MYO1D: variants seen among roughly 807,000 people sequenced by gnomAD.
MYO1D encodes the protein unconventional myosin-Id.
A neutral mutation model predicts 122.0 loss-of-function variants in MYO1D; 83 were observed. That is an observed-to-expected ratio of 0.68 (90% confidence interval 0.57 to 0.82). The LOEUF (loss-of-function observed/expected upper bound fraction) is 0.82, where lower values mean the gene tolerates loss of function less well. Among genes scored for constraint, MYO1D ranks in the 40% least tolerant of loss-of-function variants. MYO1D has a pLI of 0.00. For synonymous variants in MYO1D, 464 were observed against 446.9 expected (o/e 1.04, Z -0.48); for missense variants, 1,157 against 1,269.5 (o/e 0.91, Z 1.35).
Position 32,738,395 on chromosome 17 carries a change from AC to A in MYO1D, c.1614-11del. On this transcript the variant is annotated splice_polypyrimidine_tract_variant and intron_variant, in intron 13 of 21. Transcript: ENST00000318217. The stretch of plus-strand genomic sequence containing the variant: ...GAGCACAGGATTTGAACTGAGAAGC[AC>A]AGAAAAAACAATTCAAATGTCACAT... 1 of 1,555,218 alleles carries A rather than the reference AC, an allele frequency of 6.4e-7. No individual in the cohort carries two copies. Among genetic ancestry groups the A allele is most frequent in the Non-Finnish European group, 8.7e-7 (1 of 1,150,576 alleles).
rs780845110 is a variant in MYO1D at position 32,876,808 on chromosome 17, A to G, written c.65T>C (p.Met22Thr). Residue 22 changes from methionine to threonine, a missense_variant, in exon 1 of 22, where the codon ATG becomes ACG. Met to Thr is a moderately conservative substitution (Grantham distance 81, BLOSUM62 -1). Coordinates refer to ENST00000318217, the MANE Select transcript of MYO1D (RefSeq NM_015194.3). ...ADFVLMDTVS[M>T]PEFMANLRLR... ...CCTGAGGTTGGCCATGAACTCGGGC[A>G]TGGAGACGGTGTCCATCAGCACGAA... 17 of 1,525,290 alleles carry G rather than the reference A, an allele frequency of 1.1e-5. No homozygotes were observed. In the South Asian group the frequency reaches 1.6e-4, roughly 14 times the overall value. 94.5% of individuals were successfully genotyped at this position (1,525,290 alleles called of 1,614,324 possible). A position where few individuals can be genotyped will look rare whatever the true frequency, so the allele number is the denominator to read the frequency against.
chr17:32,643,956 A>G (rs551589539), intron 19 of MYO1D, among the ~76,000 whole-genome samples: 5 of 152,124 alleles, frequency 3.3e-5, no homozygotes, highest in South Asian at 2.1e-4. Context: ...GCCTTCTGCT[A>G]GCTTTTGAAT....
At chr17:32,612,929 C>T (rs1282668047) in intron 20 of MYO1D, among the ~76,000 whole-genome samples, 4 of 151,662 alleles carry the variant, frequency 2.6e-5, no homozygotes, top group Non-Finnish European at 5.9e-5. Context: ...TCACCACACC[C>T]GGCTAGTTTT....
chr17:32,606,279 GAAGA>G (rs2087626953), intron 20 of MYO1D, among the ~76,000 whole-genome samples: 1 of 152,136 alleles, frequency 6.6e-6, no homozygotes, highest in African/African-American at 2.4e-5. Flanking sequence ...AACATTTAAA[GAAGA>G]AATAACACCA....
chr17:32,633,527 G>T (rs1243082211), intron 20 of MYO1D, among the ~76,000 whole-genome samples: 2 of 151,824 alleles, frequency 1.3e-5, no homozygotes, highest in Non-Finnish European at 2.9e-5. Flanking sequence ...TAGATAGCTT[G>T]CTTTCTTCTT....
chr17:32,767,684 A>T lies in MYO1D; in HGVS notation c.783T>A (p.Pro261=). ...TCTTATACACTGTTTGGATCTCCTC[A>T]GGTTTGAAGCCAATGACTTTCATGG... The part of the protein sequence containing the change: ...ADAMKVIGFK[P]EEIQTVYKIL... The change falls in exon 7 of 22, where the codon CCT becomes CCA. Residue 261 remains proline, a synonymous_variant. Transcript: ENST00000318217. 1 of 1,613,962 alleles carries T rather than the reference A, an allele frequency of 6.2e-7. No homozygotes were observed. The highest frequency in any genetic ancestry group is 1.1e-5 in the South Asian group (1 of 91,074).
At chr17:32,574,207 A>C (rs1018117637) in intron 21 of MYO1D, among the ~76,000 whole-genome samples, 4 of 151,934 alleles carry the variant, frequency 2.6e-5, no homozygotes, top group Non-Finnish European at 5.9e-5. Context: ...GAATAGAATT[A>C]TAGGTGGACA....
At chr17:32,509,926 G>C (rs76804448) in intron 21 of MYO1D, 3 of 152,186 alleles carry the variant, frequency 2.0e-5, no homozygotes, top group Non-Finnish European at 4.4e-5. Flanking sequence ...TTGTAAAGGG[G>C]TCTTAGATTG....
At chr17:32,758,470 GTT>G (rs1237289371) in intron 10 of MYO1D, among the ~76,000 whole-genome samples, 3 of 152,056 alleles carry the variant, frequency 2.0e-5, no homozygotes, top group African/African-American at 7.2e-5. Context: ...TGTGATTATG[GTT>G]TTTGTAAAAC....
intron 16 of MYO1D, among the ~76,000 whole-genome samples, chr17:32,689,183 G>T (rs927693608): frequency 6.6e-6 from 1 of 151,844 alleles, no homozygotes. Flanking sequence ...GTTTATAATC[G>T]ATTTAAAGTA....
At position 32,624,852 on chromosome 17, in the gene MYO1D, G is replaced by A. The variant is rs376047075; in HGVS notation, c.2709+13870C>T. Among the ~76,000 whole-genome samples, 20 of 150,496 alleles carry A rather than the reference G, an allele frequency of 1.3e-4. No homozygotes were observed. The East Asian group carries it at 2.1e-3, about 16-fold the overall frequency. ...GTTGCCCAGGCTGGTATGCAATGGC[G>A]CGATCTTGGCTCACTGCAACCTCCG... On this transcript the variant is annotated intron_variant, in intron 20 of 21. Coordinates refer to ENST00000318217, the MANE Select transcript of MYO1D (RefSeq NM_015194.3).
Position 32,494,531 on chromosome 17 carries a change from G to A in MYO1D, c.*228C>T, listed in dbSNP as rs776486825. Reference sequence around the variant, plus strand: ...TCTGGACGTCAGCCCAGGGGTCTGGGCGGGGCACCAGGGTCTTTGGCTTAT... The same window carrying A: ...TCTGGACGTCAGCCCAGGGGTCTGGACGGGGCACCAGGGTCTTTGGCTTAT... On this transcript the variant is annotated 3_prime_UTR_variant, in exon 22 of 22. Transcript: ENST00000318217. 2 of 583,160 alleles carry A rather than the reference G, an allele frequency of 3.4e-6. No homozygotes were observed. The highest frequency in any genetic ancestry group is 5.9e-6 in the Non-Finnish European group (2 of 336,250). The allele number at this position is 583,160 out of a possible 1,614,324, so 36.1% of individuals were successfully genotyped here. A position where few individuals can be genotyped will look rare whatever the true frequency, so the allele number is the denominator to read the frequency against.
intron 21 of MYO1D, among the ~76,000 whole-genome samples, chr17:32,527,329 A>G (rs566247860): frequency 6.6e-6 from 1 of 152,192 alleles, no homozygotes. Flanking sequence ...GCAGCTAACC[A>G]CAGTAAGGAG....
At chr17:32,825,149 T>C (rs1178446431) in intron 1 of MYO1D, among the ~76,000 whole-genome samples, 3 of 152,232 alleles carry the variant, frequency 2.0e-5, no homozygotes, top group East Asian at 3.8e-4. Context: ...AAATAGTCGT[T>C]GAGCTTGTTT....
In MYO1D at chr17:32,533,206, T is replaced by C. The variant is rs756293683; in HGVS notation, c.2865-38291A>G. Among the ~76,000 whole-genome samples, 12 of 152,310 alleles carry C rather than the reference T, an allele frequency of 7.9e-5. No homozygotes were observed. In the South Asian group the frequency reaches 1.0e-3, roughly 13 times the overall value. Reference sequence around the variant, plus strand: ...CATATGCTGATAACTCCCAAATCTATACCTCTAGCCCATTTTAATTCCAAA... The same window carrying C: ...CATATGCTGATAACTCCCAAATCTACACCTCTAGCCCATTTTAATTCCAAA... On this transcript the variant is annotated intron_variant, in intron 21 of 21. Transcript: ENST00000318217.
intron 1 of MYO1D, among the ~76,000 whole-genome samples, chr17:32,808,199 C>A (rs576152324): frequency 6.6e-6 from 1 of 151,930 alleles, no homozygotes; most frequent in African/African-American, 2.4e-5. Context: ...CATAGTAAAA[C>A]CTTGTCTCCG....
chr17:32,868,344 T>G (rs533860054), intron 1 of MYO1D, among the ~76,000 whole-genome samples: 1 of 152,294 alleles, frequency 6.6e-6, no homozygotes, highest in East Asian at 1.9e-4. Flanking sequence ...TCAAAGAAGC[T>G]AAGTCACTTG....
chr17:32,626,627 T>G (rs1421716871), intron 20 of MYO1D, among the ~76,000 whole-genome samples: 1 of 152,192 alleles, frequency 6.6e-6, no homozygotes, highest in Non-Finnish European at 1.5e-5. Flanking sequence ...GTCAGATTTT[T>G]GCACATGTAA....
rs540997756 is a variant in MYO1D, at chr17:32,684,644, T to C, written c.2122-25306A>G. Among the ~76,000 whole-genome samples the C allele has an allele frequency of 4.3e-4, 65 of 152,228 alleles. No homozygotes were observed. In the Middle Eastern group the frequency reaches 0.01, roughly 24 times the overall value. On this transcript the variant is annotated intron_variant, in intron 16 of 21. Transcript: ENST00000318217. Reference sequence around the variant, plus strand: ...GAAACAGCCCATCCTATTACACAACTGTGAGGATGAGCCAAGCAAACTATG... The same window carrying C: ...GAAACAGCCCATCCTATTACACAACCGTGAGGATGAGCCAAGCAAACTATG...
Sources: gnomAD v4.1 joint callset for allele counts (sites outside exome capture counted in the v4.1 genomes callset) on GRCh38, gnomAD v4.1.1 for gene constraint, MANE v1.5 for transcripts, NCBI Gene and HGNC (gene_info 2026-07-23, HGNC 2026-07-21) for gene names.